The following NCAPH2 variants were observed in gnomAD, a reference collection of about 807,000 sequenced individuals.
NCAPH2 encodes the protein non-SMC condensin II complex subunit H2.
Under a neutral mutation model 88.6 loss-of-function variants are expected in NCAPH2, and 56 were observed. The observed-to-expected ratio is 0.63, with a 90% CI of 0.51 to 0.79. The LOEUF is 0.79. NCAPH2 is among the 30% of genes least tolerant of loss of function. NCAPH2 has a pLI of 0.00. For missense variants in NCAPH2, 794 were observed against 792.0 expected (o/e 1.00, Z -0.03); for synonymous variants, 378 against 313.6 (o/e 1.21, Z -2.17).
chr22:50,522,029 G>C lies in NCAPH2; in HGVS notation c.1152G>C (p.Pro384=). The C allele has an allele frequency of 6.2e-7, 1 of 1,614,036 alleles. No homozygotes were observed. The highest frequency in any genetic ancestry group is 1.3e-5 in the African/African-American group (1 of 75,062). Reference sequence around the variant, plus strand: ...GCAGGCGGCTTCGGCGAAAGGGTCCGTCCTTTGCAGGTGAGGCTGAAGTCC... The same window carrying C: ...GCAGGCGGCTTCGGCGAAAGGGTCCCTCCTTTGCAGGTGAGGCTGAAGTCC... ...ADSRRLRRKG[P]SFADMEVLYW... The change falls in exon 13 of 20, where the codon CCG becomes CCC. Residue 384 remains proline (P), a synonymous_variant. Transcript: ENST00000420993.
At chr22:50,512,506 C>T (rs1001821933) in intron 1 of NCAPH2, among the ~76,000 whole-genome samples, 10 of 151,300 alleles carry the variant, frequency 6.6e-5, no homozygotes, top group African/African-American at 1.5e-4. Flanking sequence ...ATTTTCCACA[C>T]ACTACCATGA....
chr22:50,515,689 C>T, intron 1 of NCAPH2: 1 of 1,215,776 alleles, frequency 8.2e-7, no homozygotes, highest in Non-Finnish European at 1.1e-6. Context: ...AGCCACCGCA[C>T]CCGGCCTTTT....
rs922413323 is a variant in NCAPH2, at chr22:50,523,112, G to A, written c.1623G>A (p.Val541=). 1 of 1,613,582 alleles carries A rather than the reference G, an allele frequency of 6.2e-7. No homozygotes were observed. The highest frequency in any genetic ancestry group is 8.5e-7 in the Non-Finnish European group (1 of 1,179,816). ...AGTGGTGTCCCTTTGCGGAGCTGGT[G>A]GCTGGCCAGCCGGCCTTCGAGGTGT... is the stretch of plus-strand genomic sequence containing the variant. The part of the protein sequence containing the change: ...LNEWCPFAEL[V]AGQPAFEVCR... Residue 541 remains valine (V), a synonymous_variant, in exon 19 of 20, where the codon GTG becomes GTA. Transcript: ENST00000420993.
intron 1 of NCAPH2, among the ~76,000 whole-genome samples, chr22:50,512,512 C>G (rs975154319): frequency 6.6e-6 from 1 of 151,316 alleles, no homozygotes; most frequent in Non-Finnish European, 1.5e-5. Flanking sequence ...CACACACTAC[C>G]ATGATGTTCT....
chr22:50,511,122 A>C (rs2068770665), intron 1 of NCAPH2, among the ~76,000 whole-genome samples: 1 of 150,466 alleles, frequency 6.6e-6, no homozygotes, highest in Non-Finnish European at 1.5e-5. Flanking sequence ...CTGGGATTAC[A>C]GGCATGAGCC....
intron 1 of NCAPH2, among the ~76,000 whole-genome samples, chr22:50,514,674 C>T (rs9628201): frequency 6.6e-6 from 1 of 152,162 alleles, no homozygotes; most frequent in Admixed American, 6.5e-5. Flanking sequence ...ATGTTCCCTT[C>T]TTTCTGGACC....
chr22:50,517,376 G>A, intron 2 of NCAPH2, 51 bp from the exon 3 acceptor site: 1 of 1,595,556 alleles, frequency 6.3e-7, no homozygotes, highest in Non-Finnish European at 8.6e-7. Flanking sequence ...GGAAGGCCTT[G>A]GGGGTGGGCC....
chr22:50,516,828 C>T (rs561450576), intron 2 of NCAPH2, among the ~76,000 whole-genome samples: 3 of 152,240 alleles, frequency 2.0e-5, no homozygotes, highest in South Asian at 4.1e-4. Flanking sequence ...GCCACCTGCA[C>T]CCACCTTCCC....
At chr22:50,521,642 C>T (rs764704903) in intron 11 of NCAPH2, 33 bp downstream of exon 11, 5 of 1,612,624 alleles carry the variant, frequency 3.1e-6, no homozygotes, top group Middle Eastern at 1.6e-4. Flanking sequence ...CACTCAGGTA[C>T]CCCTGGCTGG....
At position 50,516,320 on chromosome 22, in the gene NCAPH2, C is replaced by G. The variant is rs979176278; in HGVS notation, c.109-127C>G. On this transcript the variant is annotated intron_variant, in intron 1 of 19. Coordinates refer to ENST00000420993, the MANE Select transcript of NCAPH2 (RefSeq NM_152299.4). ...ATACCAGGGACAACCGGTGAGCCCA[C>G]AGCATAGCTAGAGCTGCCCGTCTCG... The G allele has an allele frequency of 5.2e-6, 4 of 765,124 alleles. No homozygotes were observed. The South Asian group carries it at 6.5e-5, about 13-fold the overall frequency. 47.4% of individuals were successfully genotyped at this position (765,124 alleles called of 1,614,324 possible).
In NCAPH2 at chr22:50,517,640, C is replaced by A; in HGVS notation, c.330C>A (p.Val110=). The A allele has an allele frequency of 6.2e-7, 1 of 1,614,062 alleles. No individual in the cohort carries two copies. Among genetic ancestry groups the A allele is most frequent in the South Asian group, 1.1e-5 (1 of 91,080 alleles). ...DRANGVASSG[V]PQEAENEFLS... is the part of the protein sequence containing the mutation. ...CCAATGGGGTTGCCAGCTCCGGGGT[C>A]CCCCAGGAGGCAGAGAATGAGGTGA... Residue 110 remains valine (V), a synonymous_variant, in exon 4 of 20, where the codon GTC becomes GTA. Transcript: ENST00000420993.
At chr22:50,522,275 G>C in intron 14 of NCAPH2, 24 bp downstream of exon 14, 1 of 1,611,686 alleles carries the variant, frequency 6.2e-7, no homozygotes, top group Non-Finnish European at 8.5e-7. Flanking sequence ...GGTCAGCTGT[G>C]ATCTAGGACC....
At chr22:50,517,925 A>C (rs1363664232) in intron 5 of NCAPH2, 48 bp from the exon 6 acceptor site, 2 of 1,605,576 alleles carry the variant, frequency 1.2e-6, no homozygotes, top group South Asian at 1.1e-5. Context: ...CCTGTTCTCC[A>C]CTGGAGTGGA....
Position 50,524,502 on chromosome 22 carries a change from C to T in NCAPH2, c.*1127C>T, listed in dbSNP as rs780388455. 2 of 1,357,014 alleles carry T rather than the reference C, an allele frequency of 1.5e-6. No homozygotes were observed. The highest frequency in any genetic ancestry group is 2.1e-6 in the Non-Finnish European group (2 of 964,172). The allele number at this position is 1,357,014 out of a possible 1,614,324, so 84.1% of individuals were successfully genotyped here. A position where few individuals can be genotyped will look rare whatever the true frequency, so the allele number is the denominator to read the frequency against. On this transcript the variant is annotated 3_prime_UTR_variant, in exon 20 of 20. Transcript: ENST00000420993. ...CTGGGCTGCCCCTGCGACTTGAGAC[C>T]AGCCACCCATCTGAAGGACCCAGCC...
chr22:50,523,214 G>C (rs778125513), intron 19 of NCAPH2, 21 bp from the exon 20 acceptor site: 1 of 1,613,516 alleles, frequency 6.2e-7, no homozygotes, highest in South Asian at 1.1e-5. Context: ...CCCAGACCCT[G>C]CTGATGTGCC....
In NCAPH2 at chr22:50,524,353, C is replaced by T. The variant is rs140523; in HGVS notation, c.*978C>T. 38 of 1,601,588 alleles carry T rather than the reference C, an allele frequency of 2.4e-5. No individual in the cohort carries two copies. Among genetic ancestry groups the T allele is most frequent in the African/African-American group, 1.5e-4 (11 of 74,950 alleles). The stretch of plus-strand genomic sequence containing the variant: ...GCCTCCCAGGGTCCCAGGGAGGACC[C>T]GAGGCTTGAGCTGAGAGAGCCTGTG... On this transcript the variant is annotated 3_prime_UTR_variant, in exon 20 of 20. Transcript: ENST00000420993.
At chr22:50,520,900 CT>C in intron 9 of NCAPH2, 64 bp from the exon 10 acceptor site, 5 of 1,533,418 alleles carry the variant, frequency 3.3e-6, no homozygotes, top group Non-Finnish European at 4.4e-6. Flanking sequence ...GGTGGAGTTC[CT>C]GGGGTACCCA....
At chr22:50,521,379 C>T (rs1368753269) in intron 10 of NCAPH2, among the ~76,000 whole-genome samples, 164 bp from the exon 11 acceptor site, 1 of 26,060 alleles carries the variant, frequency 3.8e-5, no homozygotes, top group East Asian at 1.6e-3. Context: ...CCCCCTACTC[C>T]TCCTTTGGGA....
intron 2 of NCAPH2, among the ~76,000 whole-genome samples, chr22:50,517,078 G>C (rs1004722191): frequency 6.6e-6 from 1 of 152,168 alleles, no homozygotes; most frequent in African/African-American, 2.4e-5. Flanking sequence ...GCAGGCCGTC[G>C]GCAGAGTGGG....
Sources: allele counts gnomAD v4.1 joint callset (sites outside exome capture counted in the v4.1 genomes callset), GRCh38; gene constraint gnomAD v4.1.1; transcripts MANE v1.5; gene names NCBI Gene and HGNC (gene_info 2026-07-23, HGNC 2026-07-21).